PRELID2: variants seen among roughly 807,000 people sequenced by gnomAD.
PRELID2 encodes the protein PRELI domain containing 2, also known as PRELI domain-containing protein 2.
A neutral mutation model predicts 28.4 loss-of-function variants in PRELID2; 25 were observed. The ratio of observed to expected loss-of-function variants is 0.88; its 90% CI spans 0.64 to 1.23. The LOEUF is 1.23. Among genes scored for constraint, PRELID2 ranks in the 50% most tolerant of loss-of-function variants. The pLI is 0.00. For synonymous variants in PRELID2, 76 were observed against 71.6 expected (o/e 1.06, Z -0.31); for missense variants, 201 against 214.4 (o/e 0.94, Z 0.39).
intron 5 of PRELID2, among the ~76,000 whole-genome samples, chr5:145,792,529 A>G (rs1752462662): frequency 6.6e-6 from 1 of 152,130 alleles, no homozygotes; most frequent in African/African-American, 2.4e-5. Flanking sequence ...CCTGCTTTCC[A>G]CCCTGAGCTA....
downstream of PRELID2, among the ~76,000 whole-genome samples, chr5:145,470,486 A>T (rs1375528766): frequency 6.6e-6 from 1 of 152,002 alleles, no homozygotes; most frequent in Non-Finnish European, 1.5e-5. Context: ...GGTAATTTTT[A>T]TAACAAAATG....
chr5:145,718,977 T>A (rs1725637861), intron 1 of PRELID2, among the ~76,000 whole-genome samples: 1 of 151,966 alleles, frequency 6.6e-6, no homozygotes, highest in African/African-American at 2.4e-5. Flanking sequence ...AAAAAGAAGG[T>A]GACTGATTTG....
intron 1 of PRELID2, among the ~76,000 whole-genome samples, chr5:145,604,526 G>C (rs1366381312): frequency 6.6e-6 from 1 of 152,036 alleles, no homozygotes; most frequent in Non-Finnish European, 1.5e-5. Context: ...ATTGTGAACA[G>C]TGCTGCAATG....
chr5:145,618,589 G>A lies in PRELID2; in HGVS notation n.71-145274C>T, dbSNP rs1272392841. Among the ~76,000 whole-genome samples the A allele has an allele frequency of 3.3e-5, 5 of 152,296 alleles. No homozygotes were observed. The East Asian group carries it at 5.8e-4, about 18-fold the overall frequency. On this transcript the variant is annotated intron_variant and non_coding_transcript_variant, in intron 1 of 2. Coordinates refer to the PRELID2 transcript ENST00000510259. ...GCACCTGTTCCAGTGGAGGTGACAG[G>A]AAGGTGAAATGGGCTGTGTAAGGGT...
the PRELID2 span, among the ~76,000 whole-genome samples, chr5:145,250,343 A>G: frequency 6.6e-6 from 1 of 152,152 alleles, no homozygotes; most frequent in Non-Finnish European, 1.5e-5. Context: ...ACATATTTGT[A>G]AGAAGCTTAT....
the PRELID2 span, among the ~76,000 whole-genome samples, chr5:145,331,382 C>T: frequency 6.6e-6 from 1 of 152,030 alleles, no homozygotes; most frequent in South Asian, 2.1e-4. Context: ...TTAAAGTCTC[C>T]CACTACTATT....
chr5:145,397,791 T>G, the PRELID2 span, among the ~76,000 whole-genome samples: 1 of 152,114 alleles, frequency 6.6e-6, no homozygotes, highest in Admixed American at 6.6e-5. Context: ...TGCCATTGGT[T>G]AAAATGGTCA....
the PRELID2 span, among the ~76,000 whole-genome samples, chr5:145,357,234 T>C: frequency 5.9e-5 from 9 of 152,280 alleles, no homozygotes; most frequent in Non-Finnish European, 1.2e-4. Flanking sequence ...GTTTCTTATA[T>C]AGTATCTCAC....
chr5:145,380,996 T>C, the PRELID2 span, among the ~76,000 whole-genome samples: 55 of 152,326 alleles, frequency 3.6e-4, 2 homozygotes, highest in South Asian at 0.011. Context: ...AGGTGTTAAA[T>C]GTTTAAAGAA....
chr5:145,322,103 C>T, the PRELID2 span, among the ~76,000 whole-genome samples: 1 of 152,148 alleles, frequency 6.6e-6, no homozygotes, highest in Non-Finnish European at 1.5e-5. Context: ...GCTCTTGGCT[C>T]CTGTCTGTGA....
the PRELID2 span, among the ~76,000 whole-genome samples, chr5:145,288,755 G>A: frequency 6.6e-6 from 1 of 152,074 alleles, no homozygotes. Context: ...CCAAACATGA[G>A]TTTATACTGA....
intron 1 of PRELID2, among the ~76,000 whole-genome samples, chr5:145,559,098 C>CA (rs1304457986): frequency 6.6e-6 from 1 of 151,654 alleles, no homozygotes; most frequent in East Asian, 1.9e-4. Flanking sequence ...ACTAAAAATA[C>CA]AAAAAAATTA....
intron 1 of PRELID2, among the ~76,000 whole-genome samples, chr5:145,640,298 C>T (rs1486404280): frequency 2.0e-5 from 3 of 151,870 alleles, no homozygotes; most frequent in East Asian, 1.9e-4. Context: ...CACGGTGAAA[C>T]CCCGTCTCTA....
the PRELID2 span, among the ~76,000 whole-genome samples, chr5:145,293,037 G>A: frequency 2.0e-5 from 3 of 152,044 alleles, no homozygotes; most frequent in Non-Finnish European, 4.4e-5. Context: ...ATTTTTAAAT[G>A]GAAAATTCTC....
intron 6 of PRELID2, among the ~76,000 whole-genome samples, chr5:145,762,930 C>G (rs899218010): frequency 6.6e-6 from 1 of 152,162 alleles, no homozygotes. Context: ...CTGCCATTCT[C>G]AAAGTGTGGC....
At chr5:145,739,177 T>A (rs905865265) in intron 1 of PRELID2, among the ~76,000 whole-genome samples, 2 of 152,156 alleles carry the variant, frequency 1.3e-5, no homozygotes, top group Non-Finnish European at 2.9e-5. Context: ...ATGGCTGAAG[T>A]ATATTCTCTA....
the PRELID2 span, among the ~76,000 whole-genome samples, chr5:145,445,816 G>A: frequency 6.6e-6 from 1 of 151,596 alleles, no homozygotes; most frequent in Non-Finnish European, 1.5e-5. Flanking sequence ...CCACTGTGGA[G>A]TATCATCTCC....
the PRELID2 span, among the ~76,000 whole-genome samples, chr5:145,434,268 ATT>A: frequency 6.6e-6 from 1 of 152,232 alleles, no homozygotes; most frequent in Admixed American, 6.5e-5. Context: ...CTACTAAATC[ATT>A]AAGCAGGAAG....
chr5:145,758,660 T>C lies in PRELID2; in HGVS notation c.*1876A>G, dbSNP rs931015449. ...TCTTGCCTCTCACTTCCACAATAAT[T>C]TGCATCACCTTTTATTTTTTGAAAT... On this transcript the variant is annotated 3_prime_UTR_variant, in exon 7 of 7. Coordinates refer to ENST00000683046, the MANE Select transcript of PRELID2 (RefSeq NM_205846.3). Among the ~76,000 whole-genome samples, 1 of 152,152 alleles carries C rather than the reference T, an allele frequency of 6.6e-6. No homozygotes were observed. Among genetic ancestry groups the C allele is most frequent in the African/African-American group, 2.4e-5 (1 of 41,440 alleles).
Sources: gnomAD v4.1 joint callset for allele counts (sites outside exome capture counted in the v4.1 genomes callset) on GRCh38, gnomAD v4.1.1 for gene constraint, MANE v1.5 for transcripts, NCBI Gene and HGNC (gene_info 2026-07-23, HGNC 2026-07-21) for gene names.